Variants in OR7C1 observed in about 807,000 individuals in gnomAD.
The protein encoded by OR7C1 is olfactory receptor 7C1.
For synonymous variants in OR7C1, 152 were observed against 160.7 expected, an observed-to-expected ratio of 0.95 and a Z score of 0.41; for missense variants, 324 against 383.3, an observed-to-expected ratio of 0.85 and a Z score of 1.29.
chr19:14,808,676 C>T (rs78867908), intron 2 of OR7C1, among the ~76,000 whole-genome samples: 2,392 of 151,940 alleles, frequency 0.016, 106 homozygotes, highest in African/African-American at 0.054. Context: ...GTACAATGTA[C>T]ACTATTTGAG....
intron 1 of OR7C1, chr19:14,827,938 A>G (rs2044788689): frequency 1.9e-6 from 3 of 1,614,214 alleles, no homozygotes; most frequent in East Asian, 2.2e-5. Context: ...ATGAAAAAAT[A>G]CATCTGCATG....
At chr19:14,817,719 G>T (rs2044722158) in intron 1 of OR7C1, among the ~76,000 whole-genome samples, 1 of 152,164 alleles carries the variant, frequency 6.6e-6, no homozygotes, top group South Asian at 2.1e-4. Flanking sequence ...AATCTATTTA[G>T]TATGCTAAAA....
exon 5 of OR7C1, chr19:14,799,997 A>G (rs374301247): frequency 1.2e-6 from 2 of 1,614,182 alleles, no homozygotes; most frequent in Non-Finnish European, 1.7e-6. Context: ...GCATATGGCC[A>G]GGATGATGAG....
intron 2 of OR7C1, among the ~76,000 whole-genome samples, chr19:14,808,348 C>A (rs1401798033): frequency 2.0e-5 from 3 of 151,906 alleles, no homozygotes; most frequent in African/African-American, 7.3e-5. Context: ...TTCACAATAG[C>A]CAAGTCATAG....
At chr19:14,812,704 C>T (rs1230669706) in intron 1 of OR7C1, among the ~76,000 whole-genome samples, 1 of 151,772 alleles carries the variant, frequency 6.6e-6, no homozygotes, top group Non-Finnish European at 1.5e-5. Context: ...GTTTGCGGCT[C>T]GTCCTGCTAC....
chr19:14,811,176 C>T (rs2044689242), intron 1 of OR7C1, among the ~76,000 whole-genome samples: 1 of 151,860 alleles, frequency 6.6e-6, no homozygotes, highest in African/African-American at 2.4e-5. Context: ...GCTGCTGTCA[C>T]ATGTAACCAC....
At chr19:14,808,045 A>G (rs781745279) in intron 2 of OR7C1, among the ~76,000 whole-genome samples, 2 of 151,876 alleles carry the variant, frequency 1.3e-5, no homozygotes, top group Non-Finnish European at 2.9e-5. Context: ...AATGCAAATT[A>G]AAACCACGAT....
At chr19:14,831,537 C>T (rs972017845) in intron 1 of OR7C1, among the ~76,000 whole-genome samples, 5 of 151,944 alleles carry the variant, frequency 3.3e-5, no homozygotes, top group African/African-American at 7.2e-5. Flanking sequence ...CTCAGCCTCC[C>T]GGGTTCACGC....
chr19:14,803,558 C>T (rs2044652317), intron 2 of OR7C1, among the ~76,000 whole-genome samples: 2 of 152,040 alleles, frequency 1.3e-5, no homozygotes, highest in African/African-American at 4.8e-5. Flanking sequence ...TTCACCCGTG[C>T]AGGGTTCCAG....
At chr19:14,826,117 C>G (rs551295623) in intron 1 of OR7C1, 1 of 152,186 alleles carries the variant, frequency 6.6e-6, no homozygotes, top group East Asian at 1.9e-4. Flanking sequence ...ATTTGTGCAC[C>G]TGAATCACAA....
intron 1 of OR7C1, among the ~76,000 whole-genome samples, chr19:14,813,430 C>T (rs1025673501): frequency 3.3e-5 from 5 of 151,952 alleles, no homozygotes; most frequent in African/African-American, 1.2e-4. Flanking sequence ...TGGCGGGCGC[C>T]TGTAGTCCCA....
intron 1 of OR7C1, chr19:14,828,094 T>C: frequency 6.2e-7 from 1 of 1,614,018 alleles, no homozygotes; most frequent in Non-Finnish European, 8.5e-7. Context: ...GAGTCTGAGA[T>C]TGTGGCCAGG....
chr19:14,817,133 C>T (rs572923571), intron 1 of OR7C1, among the ~76,000 whole-genome samples: 8 of 152,116 alleles, frequency 5.3e-5, no homozygotes, highest in East Asian at 1.9e-4. Flanking sequence ...GCTATCATAC[C>T]CCAAAAGTAG....
exon 5 of OR7C1, chr19:14,799,360 A>G: frequency 6.2e-7 from 1 of 1,614,202 alleles, no homozygotes; most frequent in Non-Finnish European, 8.5e-7. Flanking sequence ...CAGAACTGAG[A>G]TAGACCCCAA....
At chr19:14,820,787 A>G (rs1415799875) in intron 1 of OR7C1, among the ~76,000 whole-genome samples, 1 of 152,212 alleles carries the variant, frequency 6.6e-6, no homozygotes, top group Non-Finnish European at 1.5e-5. Flanking sequence ...GATTTTCTAA[A>G]GTATGGTCTG....
chr19:14,799,202 T>C lies in OR7C1; in HGVS notation c.935A>G (p.Asn312Ser), dbSNP rs749309772. ...TGAAAGTCCTGCAGTGATGTCACCA[T>C]TAAAAAATGTTGCCCTACTGAGGAG... Residue 312 changes from asparagine to serine, a missense_variant, in exon 5 of 5, where the codon AAT becomes AGT. By Grantham distance (46) the Asn-to-Ser change is conservative (BLOSUM62 1). Transcript: ENST00000641666. 9 of 1,612,466 alleles carry C rather than the reference T, an allele frequency of 5.6e-6. No homozygotes were observed. In the Admixed American group the frequency reaches 1.5e-4, roughly 27 times the overall value.
At position 14,807,608 on chromosome 19, in the gene OR7C1, A is replaced by G. The variant is rs1159020206; in HGVS notation, c.-435+2198T>C. Among the ~76,000 whole-genome samples, 3 of 151,970 alleles carry G rather than the reference A, an allele frequency of 2.0e-5. 1 individual carries two copies. The highest frequency in any genetic ancestry group is 7.3e-5 in the African/African-American group (3 of 41,234). On this transcript the variant is annotated intron_variant, in intron 2 of 4. Coordinates refer to ENST00000641666, the Ensembl canonical transcript of OR7C1. ...TTGTGCCTCAGGTTAGCACAGAGTGATCATGGTGACCCATTCTTTTAGGGA... is the reference window on the plus strand; with the variant it reads ...TTGTGCCTCAGGTTAGCACAGAGTGGTCATGGTGACCCATTCTTTTAGGGA...
exon 5 of OR7C1, chr19:14,799,733 A>G (rs1268320406): frequency 1.2e-5 from 19 of 1,613,994 alleles, no homozygotes; most frequent in East Asian, 2.2e-5. Context: ...GGGGTTCATG[A>G]TGACCGTATA....
intron 1 of OR7C1, among the ~76,000 whole-genome samples, chr19:14,816,676 C>T (rs1332697647): frequency 6.6e-6 from 1 of 152,130 alleles, no homozygotes; most frequent in Non-Finnish European, 1.5e-5. Context: ...TGAAGACGAT[C>T]TATTGTGGGA....
Sources: gnomAD v4.1 joint callset for allele counts (sites outside exome capture counted in the v4.1 genomes callset) on GRCh38, gnomAD v4.1.1 for gene constraint, MANE v1.5 for transcripts, NCBI Gene and HGNC (gene_info 2026-07-23, HGNC 2026-07-21) for gene names.